AACS: variants seen among roughly 807,000 people sequenced by gnomAD.
The protein encoded by AACS is acetoacetyl-CoA synthetase.
In AACS, 69 loss-of-function variants were observed where a neutral mutation model predicts 83.1. That is an observed-to-expected ratio of 0.83 (90% confidence interval 0.68 to 1.01). The LOEUF is 1.01. Ranked by LOEUF, AACS falls within the 50% of genes least tolerant of loss-of-function variation. AACS has a pLI of 0.00. For synonymous variants in AACS, 333 were observed against 343.4 expected (o/e 0.97, Z 0.33); for missense variants, 866 against 882.2 (o/e 0.98, Z 0.23).
intron 3 of AACS, 96 bp downstream of exon 3, chr12:125,076,707 AC>A (rs1374631688): frequency 6.5e-7 from 1 of 1,535,518 alleles, no homozygotes; most frequent in African/African-American, 1.4e-5. Flanking sequence ...GGATTTCTAA[AC>A]CATATGTTGG....
At chr12:125,070,167 G>A (rs958589937) in intron 1 of AACS, among the ~76,000 whole-genome samples, 6 of 152,200 alleles carry the variant, frequency 3.9e-5, no homozygotes, top group Admixed American at 2.0e-4. Flanking sequence ...TGTATAAACT[G>A]CGTGCATTTT....
At chr12:125,103,361 A>C (rs563753580) in intron 7 of AACS, among the ~76,000 whole-genome samples, 2 of 152,274 alleles carry the variant, frequency 1.3e-5, no homozygotes, top group East Asian at 3.9e-4. Flanking sequence ...GGCCAAGCCC[A>C]CCTTCCTAGA....
chr12:125,086,505 G>C, intron 4 of AACS, 62 bp downstream of exon 4: 1 of 1,483,136 alleles, frequency 6.7e-7, no homozygotes, highest in Non-Finnish European at 9.4e-7. Context: ...TGGGTGATGT[G>C]AAGGTCAAGA....
At chr12:125,098,256 T>A (rs1956653971) in intron 5 of AACS, among the ~76,000 whole-genome samples, 1 of 151,754 alleles carries the variant, frequency 6.6e-6, no homozygotes, top group African/African-American at 2.4e-5. Context: ...ATGGCAAAAC[T>A]CCATCTCTAC....
chr12:125,076,641 C>A, intron 3 of AACS, 30 bp downstream of exon 3: 2 of 1,612,940 alleles, frequency 1.2e-6, no homozygotes, highest in South Asian at 1.1e-5. Context: ...CCTGGGATTT[C>A]CTCCGTGGAA....
intron 3 of AACS, among the ~76,000 whole-genome samples, chr12:125,079,678 T>C (rs6488986): frequency 0.78 from 118,637 of 152,134 alleles, 46,361 homozygotes; most frequent in South Asian, 0.84. Context: ...CATGAGCCAC[T>C]GCGTCCAGCC....
rs1034161713 is a variant in AACS, at chr12:125,142,964, G to A, written c.*735G>A. ...GGGTGTCCACCCGTGTCCCTCATGG[G>A]TGAGCCCTCCAGCTGTGAGCCCAGG... On this transcript the variant is annotated 3_prime_UTR_variant, in exon 18 of 18. Transcript: ENST00000316519. The A allele has an allele frequency of 1.4e-4, 21 of 152,224 alleles. 1 individual carries two copies. Among genetic ancestry groups the A allele is most frequent in the African/African-American group, 3.9e-4 (16 of 41,450 alleles). 9.4% of individuals were successfully genotyped at this position (152,224 alleles called of 1,614,324 possible).
Position 125,129,460 on chromosome 12 carries a change from G to C in AACS, c.1549G>C (p.Gly517Arg). The C allele has an allele frequency of 1.9e-6, 3 of 1,613,164 alleles. No homozygotes were observed. Among genetic ancestry groups the C allele is most frequent in the Non-Finnish European group, 2.5e-6 (3 of 1,179,530 alleles). ...GAAGGCGTATTTCTCCAAATTCCCA[G>C]GTCGGTTGGAGAGATGCAGACAGAG... Reference protein sequence around the residue: ...YRKAYFSKFPGIWAHGDYCRI... With the variant: ...YRKAYFSKFPRIWAHGDYCRI... The change falls in exon 14 of 18, where the codon GGT (glycine) becomes CGT (arginine). Residue 517 changes from glycine to arginine, a missense_variant and splice_region_variant. Gly to Arg is a moderately radical substitution (Grantham distance 125). Transcript: ENST00000316519. The surrounding 1 kb of genome is among the most constrained non-coding windows in gnomAD (Gnocchi z 4.3).
intron 1 of AACS, among the ~76,000 whole-genome samples, chr12:125,070,495 T>C (rs1449557516): frequency 6.6e-6 from 1 of 152,126 alleles, no homozygotes. Flanking sequence ...TAAGATCCTG[T>C]CTCTAAGAAA....
At chr12:125,073,067 C>A (rs1955919616) in intron 1 of AACS, among the ~76,000 whole-genome samples, 1 of 151,840 alleles carries the variant, frequency 6.6e-6, no homozygotes, top group Non-Finnish European at 1.5e-5. Context: ...GCTGGGATTA[C>A]AGGCACCCGC....
chr12:125,086,182 T>A (rs1392394215), intron 3 of AACS, 148 bp from the exon 4 acceptor site: 1 of 651,224 alleles, frequency 1.5e-6, no homozygotes, highest in East Asian at 2.7e-5. Flanking sequence ...AGTTGACCTG[T>A]ATCTTGCTTG....
At position 125,129,384 on chromosome 12, in the gene AACS, C is replaced by T; in HGVS notation, c.1473C>T (p.Ile491=). Residue 491 remains isoleucine (I), a synonymous_variant, in exon 14 of 18, where the codon ATC becomes ATT. Transcript: ENST00000316519. This position sits in a 1 kb window ranked among gnomAD's most constrained non-coding sequence, Gnocchi z 4.3. ...GCGAGCTGGTGTGTACTAAGCCGATCCCTTGCCAGCCCACACACTTCTGGA... is the reference window on the plus strand; with the variant it reads ...GCGAGCTGGTGTGTACTAAGCCGATTCCTTGCCAGCCCACACACTTCTGGA... ...ESGELVCTKP[I]PCQPTHFWND... 6.2e-7 allele frequency: 1 copy of T among 1,614,034 alleles called. No homozygotes were observed. Among genetic ancestry groups the T allele is most frequent in the Non-Finnish European group, 8.5e-7 (1 of 1,180,010 alleles).
At chr12:125,091,750 C>G (rs1171956939) in intron 5 of AACS, among the ~76,000 whole-genome samples, 2 of 152,182 alleles carry the variant, frequency 1.3e-5, no homozygotes, top group African/African-American at 4.8e-5. Context: ...TCATCGAAGA[C>G]GTGGGCAGGT....
intron 16 of AACS, 59 bp downstream of exon 16, chr12:125,134,911 G>A (rs901206426): frequency 8.1e-6 from 13 of 1,598,682 alleles, no homozygotes; most frequent in African/African-American, 2.7e-5. Flanking sequence ...GGGTCCTGGC[G>A]GGAGCCCCAG....
chr12:125,070,767 A>G (rs11058028), intron 1 of AACS, among the ~76,000 whole-genome samples: 1 of 152,232 alleles, frequency 6.6e-6, no homozygotes, highest in South Asian at 2.1e-4. Flanking sequence ...CCCATTTCAC[A>G]GCTGAACAAA....
intron 7 of AACS, among the ~76,000 whole-genome samples, chr12:125,104,694 A>G (rs1257248914): frequency 1.3e-5 from 2 of 152,208 alleles, no homozygotes; most frequent in African/African-American, 2.4e-5. Context: ...CATGGTCTCC[A>G]GATCCGACTT....
chr12:125,120,583 C>G (rs1455635837), intron 10 of AACS: 1 of 152,140 alleles, frequency 6.6e-6, no homozygotes, highest in Admixed American at 6.5e-5. Context: ...CCCTTTTACC[C>G]TTAAGCCAGG....
intron 1 of AACS, among the ~76,000 whole-genome samples, chr12:125,071,882 A>G (rs1482968801): frequency 9.7e-6 from 1 of 103,228 alleles, no homozygotes; most frequent in African/African-American, 3.8e-5. Context: ...TTGTTGACAG[A>G]GTTTCGCTCT....
At chr12:125,082,872 A>G (rs547834628) in intron 3 of AACS, among the ~76,000 whole-genome samples, 6 of 152,290 alleles carry the variant, frequency 3.9e-5, no homozygotes, top group African/African-American at 1.2e-4. Flanking sequence ...ATGTTATAGA[A>G]CTGAAAAGCG....
Sources: gnomAD v4.1 joint callset for allele counts (sites outside exome capture counted in the v4.1 genomes callset) on GRCh38, gnomAD v4.1.1 for gene constraint, Gnocchi (gnomAD v3.1) non-coding constraint, MANE v1.5 for transcripts, NCBI Gene and HGNC (gene_info 2026-07-23, HGNC 2026-07-21) for gene names.